The following PALLD variants were observed in gnomAD, a reference collection of about 807,000 sequenced individuals.
PALLD encodes palladin, cytoskeletal associated protein, also known as palladin.
Under a neutral mutation model 123.5 loss-of-function variants are expected in PALLD, and 61 were observed. The ratio of observed to expected loss-of-function variants is 0.49; its 90% CI spans 0.40 to 0.61. The LOEUF is 0.61. Among genes scored for constraint, PALLD ranks in the 20% least tolerant of loss-of-function variants. The probability of loss-of-function intolerance (pLI) is 0.00; values close to 1 mark genes in which losing one functional copy is unlikely to be tolerated. For missense variants in PALLD, 1,273 were observed against 1,377.0 expected (o/e 0.92, Z 1.20); for synonymous variants, 465 against 496.4 (o/e 0.94, Z 0.84).
chr4:168,675,229 G>T (rs1780710060), intron 3 of PALLD, among the ~76,000 whole-genome samples: 1 of 152,196 alleles, frequency 6.6e-6, no homozygotes, highest in African/African-American at 2.4e-5. Context: ...GGACCTTGTG[G>T]ATAAAGAGGA....
rs530377869 is a variant in PALLD, at chr4:168,655,438, C to T, written c.909-12752C>T. On this transcript the variant is annotated intron_variant, in intron 2 of 21. Transcript: ENST00000505667. Reference sequence around the variant, plus strand: ...AGACCACACTAGCCACATTTGAACACCATTAGATTAGACTAGAGCCAGGAC... The same window carrying T: ...AGACCACACTAGCCACATTTGAACATCATTAGATTAGACTAGAGCCAGGAC... Among the ~76,000 whole-genome samples the T allele has an allele frequency of 5.9e-5, 9 of 152,266 alleles. No individual in the cohort carries two copies. In the East Asian group the frequency reaches 9.7e-4, roughly 16 times the overall value.
At chr4:168,603,634 A>G (rs1344427609) in intron 2 of PALLD, among the ~76,000 whole-genome samples, 1 of 152,188 alleles carries the variant, frequency 6.6e-6, no homozygotes, top group Non-Finnish European at 1.5e-5. Context: ...TCAGGCTACA[A>G]TGCATTTTTG....
At chr4:168,735,550 T>C (rs7690221) in intron 10 of PALLD, among the ~76,000 whole-genome samples, 9,427 of 152,172 alleles carry the variant, frequency 0.062, 816 homozygotes, top group East Asian at 0.32. Context: ...AGGCAGAGTG[T>C]CAGAAAGAGA....
chr4:168,891,606 G>A (rs944048959), intron 11 of PALLD, among the ~76,000 whole-genome samples: 1 of 151,678 alleles, frequency 6.6e-6, no homozygotes, highest in African/African-American at 2.4e-5. Flanking sequence ...AGTGAAGAGA[G>A]TAAGTGGGAA....
At chr4:168,878,986 G>C (rs1375255023) in intron 10 of PALLD, among the ~76,000 whole-genome samples, 1 of 152,164 alleles carries the variant, frequency 6.6e-6, no homozygotes, top group African/African-American at 2.4e-5. Context: ...ACAGATTTAA[G>C]AAATAAGCCT....
chr4:168,778,482 G>A (rs1213705210), intron 10 of PALLD, among the ~76,000 whole-genome samples: 1 of 152,158 alleles, frequency 6.6e-6, no homozygotes, highest in African/African-American at 2.4e-5. Flanking sequence ...ATCTTTGCTT[G>A]TGTGTCGTAC....
intron 10 of PALLD, among the ~76,000 whole-genome samples, chr4:168,823,226 G>A (rs756338183): frequency 3.9e-5 from 6 of 152,086 alleles, no homozygotes; most frequent in Non-Finnish European, 2.9e-5. Flanking sequence ...TGAACCTAAT[G>A]AATAAATTGG....
intron 10 of PALLD, among the ~76,000 whole-genome samples, chr4:168,878,968 CTTAA>C (rs1752243666): frequency 6.6e-6 from 1 of 152,068 alleles, no homozygotes. Context: ...TTTGAAAAAC[CTTAA>C]TTAACAGATT....
intron 10 of PALLD, among the ~76,000 whole-genome samples, chr4:168,762,043 C>T (rs1222365327): frequency 2.6e-5 from 4 of 151,976 alleles, no homozygotes; most frequent in African/African-American, 7.3e-5. Context: ...ATTAAAAATT[C>T]ATTTTTTAAT....
At chr4:168,749,354 C>A (rs559972071) in intron 10 of PALLD, among the ~76,000 whole-genome samples, 8 of 151,800 alleles carry the variant, frequency 5.3e-5, no homozygotes. Flanking sequence ...ACAAGAACGG[C>A]CTAACACACT....
At chr4:168,691,191 A>T (rs1782586118) in intron 7 of PALLD, 78 bp from the exon 8 acceptor site, 2 of 1,004,216 alleles carry the variant, frequency 2.0e-6, no homozygotes, top group Non-Finnish European at 3.2e-6. Flanking sequence ...ATGGAAAGGA[A>T]CAAGTAGGTT....
At chr4:168,520,260 A>C (rs1476788776) in intron 2 of PALLD, among the ~76,000 whole-genome samples, 3 of 145,364 alleles carry the variant, frequency 2.1e-5, no homozygotes, top group Non-Finnish European at 4.5e-5. Context: ...CGGGAGGCGG[A>C]GCTTACAGTG....
chr4:168,711,898 C>A lies in PALLD; in HGVS notation c.1939C>A (p.Pro647Thr). ...CCTGCTTTCACCCACTAAGGAGCCA[C>A]CACCTCTGCTTGCCAAACCAAAACT... ...AVLLSPTKEPPPLLAKPKLGF... is the reference protein window; with the variant it reads ...AVLLSPTKEPTPLLAKPKLGF... The change falls in exon 10 of 22, where the codon CCA (proline) becomes ACA (threonine). Residue 647 changes from proline to threonine, a missense_variant. Coordinates refer to ENST00000505667, the MANE Select transcript of PALLD (RefSeq NM_001166108.2). The A allele has an allele frequency of 1.2e-6, 2 of 1,614,028 alleles. No homozygotes were observed. Among genetic ancestry groups the A allele is most frequent in the Non-Finnish European group, 1.7e-6 (2 of 1,179,936 alleles).
At chr4:168,651,595 C>G (rs944262553) in intron 2 of PALLD, among the ~76,000 whole-genome samples, 2 of 151,970 alleles carry the variant, frequency 1.3e-5, no homozygotes, top group Non-Finnish European at 2.9e-5. Flanking sequence ...TTCCCCCCCG[C>G]AAGGTTAGCT....
At chr4:168,709,320 G>C (rs1478932834) in intron 9 of PALLD, among the ~76,000 whole-genome samples, 173 bp downstream of exon 9, 3 of 151,542 alleles carry the variant, frequency 2.0e-5, no homozygotes, top group Non-Finnish European at 4.4e-5. Flanking sequence ...GACCAGCCTG[G>C]TTAACATGGT....
chr4:168,631,323 G>C (rs942976571), intron 2 of PALLD, among the ~76,000 whole-genome samples: 3 of 152,188 alleles, frequency 2.0e-5, no homozygotes, highest in Admixed American at 1.3e-4. Flanking sequence ...TTCCCCCCTT[G>C]AGAGCTGCAA....
intron 2 of PALLD, among the ~76,000 whole-genome samples, chr4:168,514,086 G>C (rs1021980733): frequency 1.3e-5 from 2 of 151,804 alleles, no homozygotes; most frequent in Non-Finnish European, 2.9e-5. Flanking sequence ...ACTCCAGCCT[G>C]GGTGACAGAG....
In PALLD at chr4:168,511,727, C is replaced by T. The variant is rs373423877; in HGVS notation, c.223C>T (p.Leu75Phe). Residue 75 changes from leucine (L) to phenylalanine (F), a missense_variant, in exon 2 of 22, where the codon CTC becomes TTC. Physicochemically the swap from Leu to Phe is conservative, Grantham distance 22 (BLOSUM62 0). Around this residue, in one of 2 missense-constraint regions of PALLD, gnomAD observed 944 missense variants for 954.5 expected, o/e 0.99. Coordinates refer to ENST00000505667, the MANE Select transcript of PALLD (RefSeq NM_001166108.2). The part of the protein sequence containing the change: ...SQIFSTSPAS[L>F]CEHPSHKETK... ...GATTTTCAGTACTTCTCCTGCAAGC[C>T]TCTGTGAACATCCTTCCCATAAGGA... is the stretch of plus-strand genomic sequence containing the variant. 7 of 1,614,066 alleles carry T rather than the reference C, an allele frequency of 4.3e-6. No individual in the cohort carries two copies. The highest frequency in any genetic ancestry group is 1.7e-5 in the Admixed American group (1 of 60,014).
intron 2 of PALLD, among the ~76,000 whole-genome samples, chr4:168,579,538 C>T (rs1038320072): frequency 6.6e-6 from 1 of 151,606 alleles, no homozygotes; most frequent in African/African-American, 2.4e-5. Flanking sequence ...CATATAATAT[C>T]GGGTAGTTAA....
Sources: gnomAD v4.1 joint callset for allele counts (sites outside exome capture counted in the v4.1 genomes callset) on GRCh38, gnomAD v4.1.1 for gene constraint, gnomAD v4.1.1 regional missense constraint, MANE v1.5 for transcripts, NCBI Gene and HGNC (gene_info 2026-07-23, HGNC 2026-07-21) for gene names.